Variants in BICDL1 observed in about 807,000 individuals in gnomAD.
BICDL1 encodes the protein BICD family like cargo adaptor 1.
In BICDL1, 20 loss-of-function variants were observed where a neutral mutation model predicts 76.8. The observed-to-expected ratio is 0.26, with a 90% CI of 0.18 to 0.38. BICDL1 has a LOEUF of 0.38. Among genes scored for constraint, BICDL1 ranks in the 10% least tolerant of loss-of-function variants. BICDL1 has a pLI of 1.00. For missense variants in BICDL1, 700 were observed against 798.6 expected (o/e 0.88, Z 1.49); for synonymous variants, 383 against 337.1 (o/e 1.14, Z -1.49).
rs1390216031 is a variant in BICDL1, at chr12:120,084,124, TC to T, written c.1583+3110del. 9.2e-5 allele frequency among the ~76,000 whole-genome samples: 14 copies of T among 152,252 alleles called. No individual in the cohort carries two copies. The South Asian group carries it at 2.9e-3, about 32-fold the overall frequency. ...TTCAAGCGATTCTCATGCCTCAGCC[TC>T]CCGAGTAGCTGGGACTACAGGCATG... On this transcript the variant is annotated intron_variant, in intron 8 of 9. Coordinates refer to ENST00000548673, the MANE Select transcript of BICDL1 (RefSeq NM_001367886.1).
At chr12:120,077,439 G>C (rs1048404973) in intron 7 of BICDL1, among the ~76,000 whole-genome samples, 13 of 152,084 alleles carry the variant, frequency 8.5e-5, no homozygotes, top group African/African-American at 3.1e-4. Context: ...GGATGCAGGG[G>C]GGTCTTCTGC....
chr12:120,024,948 G>A (rs1359159484), intron 2 of BICDL1, among the ~76,000 whole-genome samples: 3 of 151,966 alleles, frequency 2.0e-5, no homozygotes, highest in Non-Finnish European at 4.4e-5. Context: ...AAAATACTGG[G>A]ATCACAGGCA....
intron 1 of BICDL1, among the ~76,000 whole-genome samples, chr12:119,994,155 C>A (rs1951587101): frequency 6.6e-6 from 1 of 152,082 alleles, no homozygotes; most frequent in Non-Finnish European, 1.5e-5. Flanking sequence ...AGAGATTGTT[C>A]TCTTCCCTCA....
At chr12:120,033,726 T>C (rs919963866) in intron 2 of BICDL1, among the ~76,000 whole-genome samples, 3 of 152,074 alleles carry the variant, frequency 2.0e-5, no homozygotes, top group African/African-American at 7.2e-5. Flanking sequence ...TGTTTCCTCA[T>C]AATGACGTTT....
At chr12:120,016,611 A>G (rs999733284) in intron 2 of BICDL1, among the ~76,000 whole-genome samples, 13 of 151,632 alleles carry the variant, frequency 8.6e-5, no homozygotes, top group Non-Finnish European at 1.9e-4. Flanking sequence ...TTGTAGAGAC[A>G]GTTTTGCCAT....
At chr12:119,999,887 C>G in intron 2 of BICDL1, 1 of 375,970 alleles carries the variant, frequency 2.7e-6, no homozygotes, top group South Asian at 2.1e-5. Context: ...CTGATGTTCT[C>G]ATGGGAGCAG....
At chr12:119,998,839 T>A in intron 2 of BICDL1, 103 bp downstream of exon 2, 1 of 1,140,556 alleles carries the variant, frequency 8.8e-7, no homozygotes, top group Non-Finnish European at 1.2e-6. Flanking sequence ...GAGGCCAAGG[T>A]GGGAGAAGCA....
chr12:120,076,775 A>C (rs1468240634), intron 7 of BICDL1, among the ~76,000 whole-genome samples: 3 of 152,256 alleles, frequency 2.0e-5, no homozygotes, highest in Non-Finnish European at 4.4e-5. Context: ...ATGGGGAGTA[A>C]CACTGGCCTC....
intron 2 of BICDL1, among the ~76,000 whole-genome samples, chr12:120,059,198 C>T (rs1419717191): frequency 1.3e-5 from 2 of 151,872 alleles, no homozygotes; most frequent in East Asian, 1.9e-4. Context: ...CAGGTTCAAG[C>T]GATTCTTCTG....
At chr12:120,073,726 G>C (rs1292942117) in intron 6 of BICDL1, among the ~76,000 whole-genome samples, 3 of 152,088 alleles carry the variant, frequency 2.0e-5, no homozygotes, top group East Asian at 1.9e-4. Context: ...TAATATGAAG[G>C]GTAGCTGTTC....
intron 2 of BICDL1, among the ~76,000 whole-genome samples, chr12:120,005,359 A>G (rs571133669): frequency 1.3e-5 from 2 of 151,836 alleles, no homozygotes; most frequent in Non-Finnish European, 2.9e-5. Context: ...TTTTCTACTT[A>G]TTTTGCTTTG....
chr12:120,058,324 C>T (rs77667532), intron 2 of BICDL1, among the ~76,000 whole-genome samples: 11 of 152,198 alleles, frequency 7.2e-5, no homozygotes, highest in East Asian at 3.9e-4. Context: ...CTAAGAAGAT[C>T]GCTTTGAGAA....
At chr12:120,003,946 A>G (rs939940604) in intron 2 of BICDL1, among the ~76,000 whole-genome samples, 1 of 152,124 alleles carries the variant, frequency 6.6e-6, no homozygotes, top group Non-Finnish European at 1.5e-5. Flanking sequence ...CGTACACTAG[A>G]CAAAAGAACT....
rs114020274 is a variant in BICDL1, at chr12:119,999,212, G to A, written c.645+476G>A. Among the ~76,000 whole-genome samples, 1,216 of 152,230 alleles carry A rather than the reference G, an allele frequency of 8.0e-3. 17 individuals carry two copies. The highest frequency in any genetic ancestry group is 0.027 in the African/African-American group (1,109 of 41,528). ...GAACTTTGGTATTACTGAACTAGGG[G>A]TCAGGAGCCAAGATGCATGCTTGTG... On this transcript the variant is annotated intron_variant, in intron 2 of 9. Transcript: ENST00000548673.
At chr12:119,996,526 G>A (rs1225116486) in intron 1 of BICDL1, among the ~76,000 whole-genome samples, 3 of 152,198 alleles carry the variant, frequency 2.0e-5, no homozygotes, top group Non-Finnish European at 4.4e-5. Flanking sequence ...AACTTCAGGT[G>A]AATAAGAGTA....
chr12:120,020,426 C>T (rs1438815723), intron 2 of BICDL1, among the ~76,000 whole-genome samples: 3 of 152,168 alleles, frequency 2.0e-5, no homozygotes, highest in Admixed American at 2.0e-4. Context: ...AAAGAGAAAG[C>T]TTCCCCAACA....
chr12:120,066,929 A>G (rs1390142628), intron 4 of BICDL1, among the ~76,000 whole-genome samples: 4 of 152,206 alleles, frequency 2.6e-5, no homozygotes, highest in African/African-American at 9.6e-5. Flanking sequence ...ATCCTCAGAC[A>G]AGGGTGAGGG....
At chr12:120,035,507 G>A (rs976082119) in intron 2 of BICDL1, among the ~76,000 whole-genome samples, 6 of 152,046 alleles carry the variant, frequency 3.9e-5, no homozygotes, top group African/African-American at 1.2e-4. Flanking sequence ...TATCACCTAA[G>A]GTCACCACAT....
intron 2 of BICDL1, among the ~76,000 whole-genome samples, chr12:120,001,346 A>G (rs548691643): frequency 1.3e-5 from 2 of 152,232 alleles, no homozygotes; most frequent in South Asian, 4.1e-4. Flanking sequence ...TCCCGGGTTC[A>G]TGACATTCTC....
Sources: gnomAD v4.1 joint callset for allele counts (sites outside exome capture counted in the v4.1 genomes callset) on GRCh38, gnomAD v4.1.1 for gene constraint, MANE v1.5 for transcripts, NCBI Gene and HGNC (gene_info 2026-07-23, HGNC 2026-07-21) for gene names.